Variants in LRRC4C observed in about 807,000 individuals in gnomAD.
The protein encoded by LRRC4C is leucine-rich repeat-containing protein 4C.
LRRC4C carries 5 observed loss-of-function variants against 33.6 expected under a neutral mutation model. The observed-to-expected ratio is 0.15, with a 90% confidence interval of 0.08 to 0.31. LRRC4C has a LOEUF of 0.31. Ranked by LOEUF, LRRC4C falls within the 10% of genes least tolerant of loss-of-function variation. The probability of loss-of-function intolerance (pLI) is 1.00; values close to 1 mark genes in which losing one functional copy is unlikely to be tolerated. For synonymous variants in LRRC4C, 329 were observed against 302.0 expected (o/e 1.09, Z -0.93); for missense variants, 560 against 796.7 (o/e 0.70, Z 3.58).
At chr11:41,288,465 A>G (rs1591167640) in intron 1 of LRRC4C, among the ~76,000 whole-genome samples, 1 of 152,184 alleles carries the variant, frequency 6.6e-6, no homozygotes, top group East Asian at 1.9e-4. Flanking sequence ...TTCAGCAGAG[A>G]GTGTCACTAG....
intron 2 of LRRC4C, among the ~76,000 whole-genome samples, chr11:40,845,009 T>C (rs1443620513): frequency 6.6e-6 from 1 of 152,116 alleles, no homozygotes; most frequent in African/African-American, 2.4e-5. Context: ...TAAAAATGTA[T>C]ACATATTTTA....
chr11:40,811,893 T>C (rs1951506032), intron 2 of LRRC4C, among the ~76,000 whole-genome samples: 2 of 152,222 alleles, frequency 1.3e-5, no homozygotes, highest in South Asian at 2.1e-4. Context: ...ATATGTGAGA[T>C]AGGGAGGATA....
chr11:40,531,240 A>T (rs1324174053), intron 3 of LRRC4C, among the ~76,000 whole-genome samples: 1 of 152,100 alleles, frequency 6.6e-6, no homozygotes, highest in African/African-American at 2.4e-5. Flanking sequence ...CCCATTATCA[A>T]CATTGGGTAG....
intron 2 of LRRC4C, among the ~76,000 whole-genome samples, chr11:40,708,189 G>T (rs750389711): frequency 4.0e-5 from 6 of 151,566 alleles, no homozygotes; most frequent in African/African-American, 7.3e-5. Context: ...TTTTTGAAGG[G>T]TTTTTTTTAT....
At chr11:40,277,215 C>G (rs982056981) in intron 4 of LRRC4C, among the ~76,000 whole-genome samples, 20 of 151,986 alleles carry the variant, frequency 1.3e-4, no homozygotes, top group Non-Finnish European at 1.5e-5. Context: ...AGTTCAGTTG[C>G]CAGGGACCAC....
At chr11:41,148,953 G>A (rs1943857088) in intron 1 of LRRC4C, among the ~76,000 whole-genome samples, 1 of 152,120 alleles carries the variant, frequency 6.6e-6, no homozygotes, top group South Asian at 2.1e-4. Context: ...CCTTGGCATG[G>A]CTGGCCCAGG....
chr11:40,523,878 C>G (rs1955929211), intron 3 of LRRC4C, among the ~76,000 whole-genome samples: 1 of 152,160 alleles, frequency 6.6e-6, no homozygotes. Flanking sequence ...TTCAGTCTCT[C>G]TCAGACTTTA....
chr11:40,359,738 G>C (rs889542437), intron 3 of LRRC4C, among the ~76,000 whole-genome samples: 1 of 152,120 alleles, frequency 6.6e-6, no homozygotes, highest in Non-Finnish European at 1.5e-5. Context: ...TAAACAGTCA[G>C]AATCAACCCA....
intron 1 of LRRC4C, among the ~76,000 whole-genome samples, chr11:40,956,775 C>T (rs937753957): frequency 5.9e-5 from 9 of 151,690 alleles, no homozygotes; most frequent in Non-Finnish European, 1.2e-4. Flanking sequence ...TCAATATAAA[C>T]ACTCTTTAGC....
chr11:40,443,421 T>G (rs1298418599), intron 3 of LRRC4C, among the ~76,000 whole-genome samples: 1 of 152,204 alleles, frequency 6.6e-6, no homozygotes, highest in East Asian at 1.9e-4. Flanking sequence ...ATACCAACTT[T>G]GTTCTGGATT....
At chr11:40,729,810 T>C (rs998879613) in intron 2 of LRRC4C, among the ~76,000 whole-genome samples, 3 of 152,198 alleles carry the variant, frequency 2.0e-5, no homozygotes, top group East Asian at 1.9e-4. Flanking sequence ...TAGAATCATA[T>C]CATTTTTATA....
intron 2 of LRRC4C, among the ~76,000 whole-genome samples, chr11:40,734,883 C>T (rs1005499130): frequency 6.6e-6 from 1 of 151,958 alleles, no homozygotes; most frequent in Non-Finnish European, 1.5e-5. Flanking sequence ...GCAGGTGAGT[C>T]AATGGACAAA....
chr11:41,260,980 C>A (rs1948964387), intron 1 of LRRC4C, among the ~76,000 whole-genome samples: 1 of 152,068 alleles, frequency 6.6e-6, no homozygotes, highest in Non-Finnish European at 1.5e-5. Flanking sequence ...TTATTATTCT[C>A]TTTTAAGGCA....
At chr11:40,218,472 A>T (rs555155735) in intron 5 of LRRC4C, among the ~76,000 whole-genome samples, 1 of 152,168 alleles carries the variant, frequency 6.6e-6, no homozygotes, top group Non-Finnish European at 1.5e-5. Context: ...CTGAAATAAG[A>T]ATATGTTTCT....
intron 1 of LRRC4C, among the ~76,000 whole-genome samples, chr11:40,999,087 G>A (rs536810133): frequency 1.3e-5 from 2 of 152,186 alleles, no homozygotes; most frequent in Admixed American, 6.5e-5. Context: ...ACTGCAGATC[G>A]ATGAACACAC....
chr11:40,774,435 G>C (rs1949894181), intron 2 of LRRC4C, among the ~76,000 whole-genome samples: 1 of 152,144 alleles, frequency 6.6e-6, no homozygotes, highest in South Asian at 2.1e-4. Context: ...CATTGGAGTA[G>C]TCAATTGGGG....
intron 3 of LRRC4C, among the ~76,000 whole-genome samples, chr11:40,609,554 A>G (rs975748803): frequency 7.2e-5 from 11 of 152,024 alleles, no homozygotes; most frequent in African/African-American, 2.7e-4. Flanking sequence ...AATAAAGGTT[A>G]GAGCAGAAAT....
chr11:41,007,111 A>T (rs1027927939), intron 1 of LRRC4C, among the ~76,000 whole-genome samples: 1 of 152,174 alleles, frequency 6.6e-6, no homozygotes, highest in Non-Finnish European at 1.5e-5. Flanking sequence ...ACATTTAAAA[A>T]TATGTTTCAA....
At chr11:40,724,092 G>A (rs1211002941) in intron 2 of LRRC4C, among the ~76,000 whole-genome samples, 2 of 151,526 alleles carry the variant, frequency 1.3e-5, no homozygotes, top group African/African-American at 2.4e-5. Flanking sequence ...AACCAATATC[G>A]GAGCACCCAG....
Sources: gnomAD v4.1 joint callset for allele counts (sites outside exome capture counted in the v4.1 genomes callset) on GRCh38, gnomAD v4.1.1 for gene constraint, MANE v1.5 for transcripts, NCBI Gene and HGNC (gene_info 2026-07-23, HGNC 2026-07-21) for gene names.